The following OTUD7A variants were observed in gnomAD, a reference collection of about 807,000 sequenced individuals.
OTUD7A encodes the protein OTU domain-containing protein 7A.
OTUD7A carries 12 observed loss-of-function variants against 65.7 expected under a neutral mutation model. The ratio of observed to expected loss-of-function variants is 0.18; its 90% CI spans 0.12 to 0.30. The LOEUF (loss-of-function observed/expected upper bound fraction) is 0.30. Ranked by LOEUF, OTUD7A falls within the 10% of genes least tolerant of loss-of-function variation. The pLI is 1.00. For synonymous variants in OTUD7A, 641 were observed against 586.3 expected (o/e 1.09, Z -1.35); for missense variants, 1,148 against 1,304.8 (o/e 0.88, Z 1.85).
At chr15:31,565,987 T>C (rs1030701931) in intron 4 of OTUD7A, among the ~76,000 whole-genome samples, 1 of 152,092 alleles carries the variant, frequency 6.6e-6, no homozygotes, top group Non-Finnish European at 1.5e-5. Flanking sequence ...GGTCAGGAGA[T>C]CGAGACCATC....
At chr15:31,678,032 C>G (rs1210263253) in intron 1 of OTUD7A, among the ~76,000 whole-genome samples, 1 of 152,200 alleles carries the variant, frequency 6.6e-6, no homozygotes, top group African/African-American at 2.4e-5. Context: ...TTGTTGGGAA[C>G]TGGAGCAAAG....
At chr15:31,565,738 G>C (rs1888848089) in intron 4 of OTUD7A, among the ~76,000 whole-genome samples, 1 of 152,148 alleles carries the variant, frequency 6.6e-6, no homozygotes, top group African/African-American at 2.4e-5. Context: ...CAGGTATGTT[G>C]AGAATTTAAT....
Position 31,727,486 on chromosome 15 carries a change from T to G in OTUD7A, c.-99-70409A>C, listed in dbSNP as rs78628168. On this transcript the variant is annotated intron_variant, in intron 1 of 12. Coordinates refer to ENST00000307050, the MANE Select transcript of OTUD7A (RefSeq NM_001382637.1). ...GGTATTTTAGAATTATTTTGTCAAA[T>G]TCCACAAAAATCCATGTTGAAATGT... Among the ~76,000 whole-genome samples, 364 of 152,332 alleles carry G rather than the reference T, an allele frequency of 2.4e-3. 2 individuals carry two copies. Among genetic ancestry groups the G allele is most frequent in the African/African-American group, 8.5e-3 (352 of 41,576 alleles).
chr15:31,644,320 T>C (rs946375973), intron 3 of OTUD7A, among the ~76,000 whole-genome samples: 10 of 152,104 alleles, frequency 6.6e-5, no homozygotes, highest in Non-Finnish European at 1.5e-4. Context: ...AATAAACTTC[T>C]GCTTCTGCTC....
intron 3 of OTUD7A, among the ~76,000 whole-genome samples, chr15:31,589,082 T>G (rs1443938788): frequency 2.0e-5 from 3 of 152,214 alleles, no homozygotes; most frequent in Non-Finnish European, 2.9e-5. Context: ...AGATGGGTTT[T>G]GGAAACAGCT....
chr15:31,851,499 C>T (rs1472115809), intron 1 of OTUD7A, among the ~76,000 whole-genome samples: 1 of 152,152 alleles, frequency 6.6e-6, no homozygotes, highest in African/African-American at 2.4e-5. Context: ...CTCAAGTAAC[C>T]CAAAAAGATC....
At chr15:31,582,551 T>C (rs1479310490) in intron 3 of OTUD7A, among the ~76,000 whole-genome samples, 1 of 152,142 alleles carries the variant, frequency 6.6e-6, no homozygotes, top group Non-Finnish European at 1.5e-5. Flanking sequence ...TGGTGGAAGG[T>C]GAATGAGGAG....
At chr15:31,621,365 G>C (rs2141236680) in intron 3 of OTUD7A, among the ~76,000 whole-genome samples, 1 of 152,170 alleles carries the variant, frequency 6.6e-6, no homozygotes, top group African/African-American at 2.4e-5. Flanking sequence ...TTGACAGTGG[G>C]GTGTTAAAGT....
intron 1 of OTUD7A, among the ~76,000 whole-genome samples, chr15:31,856,584 T>C (rs1347051704): frequency 5.3e-5 from 8 of 152,194 alleles, no homozygotes; most frequent in Admixed American, 5.2e-4. Context: ...TCATGGAACA[T>C]GTTTCACAAA....
At chr15:31,668,353 TTTTC>T (rs1367874838) in intron 1 of OTUD7A, among the ~76,000 whole-genome samples, 7 of 152,204 alleles carry the variant, frequency 4.6e-5, no homozygotes, top group African/African-American at 1.7e-4. Flanking sequence ...TCTTATTATT[TTTTC>T]TTTGTCTTTG....
At chr15:31,566,269 C>T (rs1888871784) in intron 4 of OTUD7A, among the ~76,000 whole-genome samples, 1 of 151,514 alleles carries the variant, frequency 6.6e-6, no homozygotes, top group Non-Finnish European at 1.5e-5. Flanking sequence ...AGAGAAAGCT[C>T]ATCAGCCATG....
chr15:31,661,921 T>C (rs535876050), intron 1 of OTUD7A, among the ~76,000 whole-genome samples: 2 of 152,334 alleles, frequency 1.3e-5, no homozygotes, highest in African/African-American at 2.4e-5. Flanking sequence ...AAATCTTATA[T>C]ATATATTTTT....
intron 1 of OTUD7A, among the ~76,000 whole-genome samples, chr15:31,715,183 T>C (rs988741162): frequency 6.6e-6 from 1 of 152,170 alleles, no homozygotes; most frequent in African/African-American, 2.4e-5. Context: ...CCTACCTTGC[T>C]TGAAACCCAA....
chr15:31,619,523 C>G (rs913854635), intron 3 of OTUD7A, among the ~76,000 whole-genome samples: 2 of 150,950 alleles, frequency 1.3e-5, no homozygotes, highest in Admixed American at 6.6e-5. Context: ...ATTTTATTCT[C>G]TTTGAAGCAA....
chr15:31,767,128 C>G, intron 1 of OTUD7A: 1 of 1,503,434 alleles, frequency 6.7e-7, no homozygotes, highest in Non-Finnish European at 9.1e-7. Flanking sequence ...ATTTTTTTTT[C>G]TCTACGAAGC....
intron 1 of OTUD7A, among the ~76,000 whole-genome samples, chr15:31,696,088 G>A (rs1321380998): frequency 6.6e-6 from 1 of 152,094 alleles, no homozygotes; most frequent in Non-Finnish European, 1.5e-5. Flanking sequence ...CCCCTGTGCA[G>A]GGGGTTGGGG....
At chr15:31,656,547 T>C (rs1379313510) in intron 2 of OTUD7A, among the ~76,000 whole-genome samples, 1 of 152,224 alleles carries the variant, frequency 6.6e-6, no homozygotes, top group African/African-American at 2.4e-5. Flanking sequence ...GCAGACCCCA[T>C]TACAGGCAAT....
chr15:31,758,122 TA>T (rs1894864710), intron 1 of OTUD7A, among the ~76,000 whole-genome samples: 1 of 152,166 alleles, frequency 6.6e-6, no homozygotes, highest in Non-Finnish European at 1.5e-5. Context: ...TGAGGGACCT[TA>T]AAAGTCATGT....
intron 1 of OTUD7A, among the ~76,000 whole-genome samples, chr15:31,827,492 T>C (rs1896826470): frequency 6.6e-6 from 1 of 152,206 alleles, no homozygotes; most frequent in South Asian, 2.1e-4. Context: ...GAGATTTGGG[T>C]GGGGACACAG....
Sources: allele counts gnomAD v4.1 joint callset (sites outside exome capture counted in the v4.1 genomes callset), GRCh38; gene constraint gnomAD v4.1.1; transcripts MANE v1.5; gene names NCBI Gene and HGNC (gene_info 2026-07-23, HGNC 2026-07-21).